IFT56: variants seen among roughly 807,000 people sequenced by gnomAD.
The protein encoded by IFT56 is intraflagellar transport 56.
At chr7:139,158,976 ATTC>A in the IFT56 span, among the ~76,000 whole-genome samples, 1 of 152,202 alleles carries the variant, frequency 6.6e-6, no homozygotes, top group African/African-American at 2.4e-5. Flanking sequence ...ATCATGGTTC[ATTC>A]TTCTCTTTAC....
the IFT56 span, among the ~76,000 whole-genome samples, chr7:139,152,995 A>G: frequency 6.6e-6 from 1 of 152,070 alleles, no homozygotes; most frequent in African/African-American, 2.4e-5. Context: ...CTAAAATACA[A>G]AAAATTAGCA....
chr7:139,174,361 A>G, the IFT56 span: 2 of 501,166 alleles, frequency 4.0e-6, no homozygotes, highest in Non-Finnish European at 8.0e-6. Context: ...TGTAGTCCAG[A>G]GGCCTCCTCC....
chr7:139,151,148 G>A, the IFT56 span, among the ~76,000 whole-genome samples: 1 of 152,170 alleles, frequency 6.6e-6, no homozygotes, highest in African/African-American at 2.4e-5. Context: ...GATACAAAAG[G>A]TCAGTAGAAA....
At chr7:139,168,591 A>C in the IFT56 span, 1 of 584,110 alleles carries the variant, frequency 1.7e-6, no homozygotes, top group Non-Finnish European at 3.1e-6. Flanking sequence ...ACAAAAAAAA[A>C]ACTTGTAACC....
At chr7:139,134,545 G>A in the IFT56 span, 3 of 1,257,794 alleles carry the variant, frequency 2.4e-6, no homozygotes, top group South Asian at 1.7e-5. Context: ...TGGGATTACA[G>A]GCATGAGCCA....
the IFT56 span, among the ~76,000 whole-genome samples, chr7:139,178,980 A>G: frequency 2.0e-5 from 3 of 152,264 alleles, no homozygotes; most frequent in African/African-American, 7.2e-5. Flanking sequence ...TTTTATAGAA[A>G]TATAACGTAT....
chr7:139,160,577 G>A, the IFT56 span, among the ~76,000 whole-genome samples: 3 of 151,928 alleles, frequency 2.0e-5, no homozygotes, highest in African/African-American at 4.8e-5. Flanking sequence ...CTACAGGCTC[G>A]CGCTACCACG....
At chr7:139,147,151 G>C in the IFT56 span, 2 of 1,612,166 alleles carry the variant, frequency 1.2e-6, no homozygotes, top group Non-Finnish European at 1.7e-6. Context: ...TTAGTTTAAT[G>C]ATGAGAAAAA....
chr7:139,167,838 G>C, the IFT56 span, among the ~76,000 whole-genome samples: 1 of 151,888 alleles, frequency 6.6e-6, no homozygotes, highest in Admixed American at 6.6e-5. Context: ...CTACTCGGGA[G>C]GCTGAGGTAG....
At chr7:139,142,133 G>T in the IFT56 span, 1 of 978,490 alleles carries the variant, frequency 1.0e-6, no homozygotes, top group East Asian at 2.4e-5. Flanking sequence ...ATGTATTCTA[G>T]CAGAGACATA....
chr7:139,134,403 T>TG, the IFT56 span, among the ~76,000 whole-genome samples: 2 of 152,078 alleles, frequency 1.3e-5, no homozygotes, highest in Non-Finnish European at 2.9e-5. Flanking sequence ...CCCGAGTAGC[T>TG]GGGACTACAG....
the IFT56 span, among the ~76,000 whole-genome samples, chr7:139,177,989 T>G: frequency 6.6e-6 from 1 of 152,144 alleles, no homozygotes; most frequent in South Asian, 2.1e-4. Context: ...TGTGTTCATT[T>G]TGGACTCTGG....
the IFT56 span, chr7:139,169,152 T>G: frequency 4.1e-5 from 28 of 686,060 alleles, no homozygotes; most frequent in Non-Finnish European, 6.7e-5. Flanking sequence ...GTTATGTTAA[T>G]GAGAATTAGT....
At chr7:139,163,199 G>A in the IFT56 span, among the ~76,000 whole-genome samples, 3 of 151,798 alleles carry the variant, frequency 2.0e-5, no homozygotes, top group Admixed American at 6.6e-5. Flanking sequence ...AAAATTAGCC[G>A]GGTGTTATGG....
chr7:139,169,380 T>G, the IFT56 span: 2 of 1,592,968 alleles, frequency 1.3e-6, no homozygotes, highest in South Asian at 2.2e-5. Context: ...ACTTATGATC[T>G]GCTTCATAAT....
At chr7:139,136,408 A>G in the IFT56 span, among the ~76,000 whole-genome samples, 1 of 152,062 alleles carries the variant, frequency 6.6e-6, no homozygotes, top group Non-Finnish European at 1.5e-5. Flanking sequence ...TTTCTCTAAG[A>G]CAATGACCAC....
At chr7:139,165,101 T>A in the IFT56 span, 2 of 1,552,724 alleles carry the variant, frequency 1.3e-6, no homozygotes, top group South Asian at 2.3e-5. Flanking sequence ...ACATCATTGT[T>A]GCCATAATAG....
At chr7:139,136,910 A>T in the IFT56 span, among the ~76,000 whole-genome samples, 1 of 152,202 alleles carries the variant, frequency 6.6e-6, no homozygotes, top group African/African-American at 2.4e-5. Flanking sequence ...GAGACCTCAC[A>T]TGAGAATTTC....
chr7:139,189,601 G>T, the IFT56 span: 2 of 558,344 alleles, frequency 3.6e-6, no homozygotes, highest in East Asian at 3.1e-5. Context: ...TCTCCTGGCT[G>T]AACAGAGTGC....
Sources: gnomAD v4.1 joint callset for allele counts (sites outside exome capture counted in the v4.1 genomes callset) on GRCh38, gnomAD v4.1.1 for gene constraint, MANE v1.5 for transcripts, NCBI Gene and HGNC (gene_info 2026-07-23, HGNC 2026-07-21) for gene names.